PPP6R3: variants seen among roughly 807,000 people sequenced by gnomAD.
PPP6R3 encodes protein phosphatase 6 regulatory subunit 3, also known as serine/threonine-protein phosphatase 6 regulatory subunit 3.
A neutral mutation model predicts 110.7 loss-of-function variants in PPP6R3; 38 were observed. That is an observed-to-expected ratio of 0.34 (90% CI 0.26 to 0.45). The LOEUF (loss-of-function observed/expected upper bound fraction) is 0.45, where lower values mean the gene tolerates loss of function less well. Among genes scored for constraint, PPP6R3 ranks in the 20% least tolerant of loss-of-function variants. PPP6R3 has a pLI of 1.00. For missense variants in PPP6R3, 870 were observed against 1,062.4 expected (o/e 0.82, Z 2.52); for synonymous variants, 369 against 373.5 (o/e 0.99, Z 0.14).
rs564439969 is a variant in PPP6R3, at chr11:68,540,598, C to G, written c.227+2707C>G. Among the ~76,000 whole-genome samples the G allele has an allele frequency of 2.0e-5, 3 of 152,178 alleles. No homozygotes were observed. In the East Asian group the frequency reaches 5.8e-4, roughly 29 times the overall value. On this transcript the variant is annotated intron_variant, in intron 3 of 23. Transcript: ENST00000393800. ...ACCCGTCTGACCAAAATTTGTTAGG[C>G]GGGAAGTTCCTCTTCCTAATAAGCC...
chr11:68,541,512 A>G (rs1592803263), intron 3 of PPP6R3, among the ~76,000 whole-genome samples: 1 of 135,322 alleles, frequency 7.4e-6, no homozygotes, highest in Non-Finnish European at 1.6e-5. Context: ...AAGAGGATGG[A>G]GTGGCTTTAT....
chr11:68,570,926 A>G (rs2099501874), intron 11 of PPP6R3, 114 bp from the exon 12 acceptor site: 13 of 1,331,122 alleles, frequency 9.8e-6, no homozygotes, highest in South Asian at 1.4e-5. Context: ...GCTTAGTAAC[A>G]TTTAGCTTGC....
At chr11:68,542,317 C>T (rs2099320770) in intron 3 of PPP6R3, among the ~76,000 whole-genome samples, 2 of 141,930 alleles carry the variant, frequency 1.4e-5, no homozygotes, top group East Asian at 2.1e-4. Flanking sequence ...GAAGCGAGGT[C>T]AGAGCCTATG....
At chr11:68,508,771 TGACAGGGTTAGGTTGTG>T (rs2099092333) in intron 1 of PPP6R3, among the ~76,000 whole-genome samples, 1 of 1,882 alleles carries the variant, frequency 5.3e-4, no homozygotes, top group South Asian at 0.036. Flanking sequence ...AGAAATCTTT[TGACAGGGTTAGGTTGTG>T]TGACAGGGTT....
chr11:68,477,741 A>AATATATATATATATATAT (rs1179617745), intron 1 of PPP6R3, among the ~76,000 whole-genome samples: 61 of 57,878 alleles, frequency 1.1e-3, no homozygotes, highest in African/African-American at 3.6e-3. Flanking sequence ...AAAAAAAAAA[A>AATATATATATATATATAT]ATATATATAT....
At chr11:68,552,323 T>C (rs2099384508) in intron 6 of PPP6R3, among the ~76,000 whole-genome samples, 2 of 152,224 alleles carry the variant, frequency 1.3e-5, no homozygotes, top group Non-Finnish European at 2.9e-5. Context: ...GGAAGAGACA[T>C]GCAATGGAGG....
intron 2 of PPP6R3, among the ~76,000 whole-genome samples, chr11:68,528,743 T>G (rs1369004055): frequency 6.6e-6 from 1 of 152,192 alleles, no homozygotes; most frequent in East Asian, 1.9e-4. Context: ...CCCTTCTTAG[T>G]GGCATGCAGC....
At position 68,600,455 on chromosome 11, in the gene PPP6R3, C is replaced by T. The variant is rs143340504; in HGVS notation, c.2153C>T (p.Thr718Met). The change falls in exon 20 of 24, where the codon ACG becomes ATG. Residue 718 changes from threonine to methionine, a missense_variant. Transcript: ENST00000393800. ...STEEPMPTKE[T>M]GWASFSEFTS... ...GAGGAGCCGATGCCAACTAAAGAGA[C>T]GGGCTGGGCTTCTTTTTCAGAGTTC... The T allele has an allele frequency of 2.7e-4, 435 of 1,614,082 alleles. 2 individuals carry two copies. In the African/African-American group the frequency reaches 4.9e-3, roughly 18 times the overall value.
chr11:68,473,615 A>G (rs542125546), intron 1 of PPP6R3, among the ~76,000 whole-genome samples: 6 of 152,322 alleles, frequency 3.9e-5, no homozygotes, highest in African/African-American at 1.4e-4. Context: ...AGTCGAGGGC[A>G]GTCTTGTGGG....
chr11:68,549,170 C>T (rs138623339), intron 5 of PPP6R3, among the ~76,000 whole-genome samples: 3,126 of 152,308 alleles, frequency 0.021, 116 homozygotes, highest in African/African-American at 0.071. Context: ...GGATTACAGG[C>T]GTGAGCCACT....
intron 8 of PPP6R3, among the ~76,000 whole-genome samples, chr11:68,563,968 A>G (rs1237411843): frequency 6.6e-6 from 1 of 152,168 alleles, no homozygotes; most frequent in Non-Finnish European, 1.5e-5. Context: ...GTGCCCTATA[A>G]TCCAGAGGTT....
intron 1 of PPP6R3, among the ~76,000 whole-genome samples, chr11:68,485,858 C>T (rs751714488): frequency 1.3e-5 from 2 of 151,908 alleles, no homozygotes; most frequent in African/African-American, 2.4e-5. Context: ...TCATGCCCGG[C>T]GACAGATTTT....
At chr11:68,544,118 C>T (rs1192708813) in intron 3 of PPP6R3, among the ~76,000 whole-genome samples, 4 of 152,156 alleles carry the variant, frequency 2.6e-5, no homozygotes, top group Non-Finnish European at 4.4e-5. Context: ...TTGGTTTTGA[C>T]ACAAGGTCTC....
chr11:68,591,737 T>C, intron 18 of PPP6R3, 31 bp downstream of exon 18: 1 of 1,590,878 alleles, frequency 6.3e-7, no homozygotes, highest in Non-Finnish European at 8.5e-7. Flanking sequence ...GTTGTAATTA[T>C]AGCCAACCTG....
intron 21 of PPP6R3, 144 bp from the exon 22 acceptor site, chr11:68,603,198 C>T: frequency 9.4e-7 from 1 of 1,067,600 alleles, no homozygotes; most frequent in South Asian, 1.6e-5. Context: ...GAATGTGGCC[C>T]AGACAACAGC....
At chr11:68,509,614 C>G (rs2099097554) in intron 1 of PPP6R3, among the ~76,000 whole-genome samples, 2 of 151,730 alleles carry the variant, frequency 1.3e-5, no homozygotes, top group South Asian at 2.1e-4. Flanking sequence ...CCCCACCTCT[C>G]TTATTTTTAT....
intron 22 of PPP6R3, among the ~76,000 whole-genome samples, chr11:68,605,730 A>G (rs1182751916): frequency 6.6e-6 from 1 of 152,246 alleles, no homozygotes; most frequent in African/African-American, 2.4e-5. Context: ...AAATAACCTT[A>G]TATCAATGAG....
chr11:68,491,689 A>T (rs1351855538), intron 1 of PPP6R3, among the ~76,000 whole-genome samples: 5 of 151,994 alleles, frequency 3.3e-5, no homozygotes, highest in Non-Finnish European at 7.4e-5. Flanking sequence ...GTGGCATTAA[A>T]TACATCCACA....
intron 8 of PPP6R3, 31 bp from the exon 9 acceptor site, chr11:68,564,272 T>A: frequency 1.9e-6 from 3 of 1,573,876 alleles, no homozygotes; most frequent in Non-Finnish European, 2.6e-6. Flanking sequence ...TCTGAAATTA[T>A]AATAACTAAA....
Sources: gnomAD v4.1 joint callset for allele counts (sites outside exome capture counted in the v4.1 genomes callset) on GRCh38, gnomAD v4.1.1 for gene constraint, MANE v1.5 for transcripts, NCBI Gene and HGNC (gene_info 2026-07-23, HGNC 2026-07-21) for gene names.